The following BMPR1B variants were observed in gnomAD, a reference collection of about 807,000 sequenced individuals.
BMPR1B encodes the protein bone morphogenetic protein receptor type-1B.
A neutral mutation model predicts 59.1 loss-of-function variants in BMPR1B; 12 were observed. The ratio of observed to expected loss-of-function variants is 0.20; its 90% CI spans 0.13 to 0.33. The LOEUF is 0.33. Ranked by LOEUF, BMPR1B falls within the 10% of genes least tolerant of loss-of-function variation. The pLI is 1.00. For missense variants in BMPR1B, 550 were observed against 610.9 expected (o/e 0.90, Z 1.05); for synonymous variants, 237 against 207.3 (o/e 1.14, Z -1.23).
intron 1 of BMPR1B, among the ~76,000 whole-genome samples, chr4:94,765,553 G>A (rs566658318): frequency 9.9e-5 from 15 of 152,284 alleles, no homozygotes; most frequent in Non-Finnish European, 1.9e-4. Flanking sequence ...GAATATATCT[G>A]TTTGAATTGT....
At position 94,817,010 on chromosome 4, in the gene BMPR1B, C is replaced by T. The variant is rs1424407080; in HGVS notation, c.-182-58821C>T. The stretch of plus-strand genomic sequence containing the variant: ...AATCCTCATGAATGGGATTAGGGCC[C>T]TTAGAAAAAGACTTGAGAGACTTGA... On this transcript the variant is annotated intron_variant, in intron 1 of 12. Coordinates refer to ENST00000515059, the MANE Select transcript of BMPR1B (RefSeq NM_001203.3). Among the ~76,000 whole-genome samples the T allele has an allele frequency of 3.3e-5, 5 of 152,098 alleles. No individual in the cohort carries two copies. In the East Asian group the frequency reaches 9.7e-4, roughly 29 times the overall value.
chr4:95,057,159 T>G (rs181106288), intron 3 of BMPR1B, among the ~76,000 whole-genome samples: 13 of 152,324 alleles, frequency 8.5e-5, no homozygotes, highest in Admixed American at 7.8e-4. Context: ...GACATACTTA[T>G]AGTTTCTTGC....
At chr4:94,805,606 T>TA (rs768871652) in intron 1 of BMPR1B, among the ~76,000 whole-genome samples, 1 of 152,186 alleles carries the variant, frequency 6.6e-6, no homozygotes, top group Non-Finnish European at 1.5e-5. Context: ...AAGCTACACT[T>TA]ACATTATTAT....
intron 3 of BMPR1B, among the ~76,000 whole-genome samples, chr4:95,095,996 CTT>C (rs1273771249): frequency 6.6e-6 from 1 of 151,226 alleles, no homozygotes; most frequent in African/African-American, 2.4e-5. Context: ...ACATTGTACT[CTT>C]GATATGTAAT....
At chr4:95,058,992 T>G (rs1727139868) in intron 3 of BMPR1B, among the ~76,000 whole-genome samples, 1 of 152,236 alleles carries the variant, frequency 6.6e-6, no homozygotes, top group Non-Finnish European at 1.5e-5. Flanking sequence ...CAAGTCTTTT[T>G]CTGTTCCTAC....
At chr4:94,918,475 G>C (rs1464917363) in intron 2 of BMPR1B, among the ~76,000 whole-genome samples, 1 of 152,056 alleles carries the variant, frequency 6.6e-6, no homozygotes, top group Non-Finnish European at 1.5e-5. Context: ...CTAGGAGTTT[G>C]AGACCAGCCT....
intron 3 of BMPR1B, among the ~76,000 whole-genome samples, chr4:95,082,528 A>C (rs532181375): frequency 3.9e-5 from 6 of 152,110 alleles, no homozygotes; most frequent in Non-Finnish European, 5.9e-5. Flanking sequence ...TAAACCTGTA[A>C]TAGGGGATAA....
intron 2 of BMPR1B, among the ~76,000 whole-genome samples, chr4:94,911,977 G>A (rs1459855870): frequency 6.6e-6 from 1 of 152,108 alleles, no homozygotes; most frequent in Non-Finnish European, 1.5e-5. Flanking sequence ...AAAAGAAAGA[G>A]GTTTAATTGG....
intron 10 of BMPR1B, among the ~76,000 whole-genome samples, chr4:95,146,105 G>T (rs575849942): frequency 3.0e-4 from 46 of 152,322 alleles, no homozygotes; most frequent in African/African-American, 1.1e-3. Context: ...GGGGCTCAGA[G>T]GAGTTGATAG....
intron 2 of BMPR1B, among the ~76,000 whole-genome samples, chr4:94,962,144 C>CT (rs202147892): frequency 0.015 from 1,219 of 83,676 alleles, 60 homozygotes; most frequent in African/African-American, 0.059. Flanking sequence ...TCCTTCCTTT[C>CT]TTTTTTCTTT....
intron 1 of BMPR1B, among the ~76,000 whole-genome samples, chr4:94,863,064 CGA>C (rs749406076): frequency 1.3e-5 from 2 of 151,872 alleles, no homozygotes; most frequent in African/African-American, 2.4e-5. Flanking sequence ...TGCAGTGAGC[CGA>C]GATCGCGCCA....
intron 11 of BMPR1B, among the ~76,000 whole-genome samples, chr4:95,150,568 A>T (rs1421746111): frequency 2.0e-5 from 3 of 152,166 alleles, no homozygotes; most frequent in Non-Finnish European, 4.4e-5. Flanking sequence ...TTTTCTAATT[A>T]TGTTTTCTTG....
intron 3 of BMPR1B, among the ~76,000 whole-genome samples, chr4:95,066,337 A>G (rs755981545): frequency 2.6e-5 from 4 of 152,052 alleles, no homozygotes; most frequent in Non-Finnish European, 4.4e-5. Context: ...TTTTCCTAGA[A>G]TATTGTTTCA....
intron 3 of BMPR1B, chr4:95,051,703 G>A (rs1443554777): frequency 2.0e-6 from 3 of 1,535,562 alleles, no homozygotes; most frequent in Non-Finnish European, 2.6e-6. Context: ...TGCTGCAATG[G>A]GTTGGCTGGA....
chr4:95,126,946 C>T (rs542026714), intron 8 of BMPR1B, among the ~76,000 whole-genome samples: 9 of 151,908 alleles, frequency 5.9e-5, no homozygotes, highest in East Asian at 3.9e-4. Context: ...TGACTTTATA[C>T]GTGCCCTTTA....
At chr4:94,818,410 G>C (rs1724087212) in intron 1 of BMPR1B, among the ~76,000 whole-genome samples, 1 of 152,182 alleles carries the variant, frequency 6.6e-6, no homozygotes, top group African/African-American at 2.4e-5. Context: ...AAGAGGCTAA[G>C]TATCTTTCTG....
At chr4:94,774,912 T>C (rs1041270629) in intron 1 of BMPR1B, among the ~76,000 whole-genome samples, 1 of 152,164 alleles carries the variant, frequency 6.6e-6, no homozygotes. Flanking sequence ...TTTTTCATAA[T>C]GGCGGAAATT....
chr4:94,843,699 C>G (rs1319169196), intron 1 of BMPR1B, among the ~76,000 whole-genome samples: 1 of 152,046 alleles, frequency 6.6e-6, no homozygotes, highest in African/African-American at 2.4e-5. Flanking sequence ...TTTGGAAATA[C>G]TGCTCTATTC....
intron 1 of BMPR1B, among the ~76,000 whole-genome samples, chr4:94,776,703 T>G (rs1424518998): frequency 6.6e-6 from 1 of 152,208 alleles, no homozygotes; most frequent in Admixed American, 6.5e-5. Flanking sequence ...AAACAAAACT[T>G]GTAATACCCC....
Sources: gnomAD v4.1 joint callset for allele counts (sites outside exome capture counted in the v4.1 genomes callset) on GRCh38, gnomAD v4.1.1 for gene constraint, MANE v1.5 for transcripts, NCBI Gene and HGNC (gene_info 2026-07-23, HGNC 2026-07-21) for gene names.